IQSEC1: variants seen among roughly 807,000 people sequenced by gnomAD.
IQSEC1 encodes the protein IQ motif and Sec7 domain ArfGEF 1.
In IQSEC1, 31 loss-of-function variants were observed where a neutral mutation model predicts 91.0. That is an observed-to-expected ratio of 0.34 (90% confidence interval 0.26 to 0.46). IQSEC1 has a LOEUF of 0.46. IQSEC1 is among the 20% of genes least tolerant of loss of function. The pLI is 1.00. For missense variants in IQSEC1, 1,388 were observed against 1,575.6 expected, an observed-to-expected ratio of 0.88 and a Z score of 2.02; for synonymous variants, 699 against 662.6, an observed-to-expected ratio of 1.05 and a Z score of -0.84.
chr3:13,140,262 G>T (rs1359163896), intron 2 of IQSEC1, among the ~76,000 whole-genome samples: 2 of 152,102 alleles, frequency 1.3e-5, no homozygotes, highest in Non-Finnish European at 2.9e-5. Flanking sequence ...CCCTACCAAG[G>T]GACAAGTTTG....
chr3:12,941,529 C>T (rs1698744216), intron 2 of IQSEC1, 42 bp downstream of exon 2: 1 of 1,495,270 alleles, frequency 6.7e-7, no homozygotes, highest in Admixed American at 2.1e-5. Context: ...GCAGAGCTGC[C>T]CTGCGCTTGC....
intron 2 of IQSEC1, among the ~76,000 whole-genome samples, chr3:13,093,352 G>A (rs1705898784): frequency 6.6e-6 from 1 of 152,028 alleles, no homozygotes; most frequent in Admixed American, 6.5e-5. Flanking sequence ...TGCTCCTCCA[G>A]CATCCCAGGC....
In IQSEC1 at chr3:13,079,074, C is replaced by T. The variant is rs146923957; in HGVS notation, c.303-31552G>A. Among the ~76,000 whole-genome samples the T allele has an allele frequency of 5.9e-4, 90 of 152,326 alleles. 2 individuals carry two copies. The highest frequency in any genetic ancestry group is 2.0e-3 in the African/African-American group (84 of 41,578). On this transcript the variant is annotated intron_variant, in intron 2 of 15. Transcript: ENST00000648114. ...AGGCCCTCACAAGGCCCTGGGTGTC[C>T]CAACCTGGCAACTCCTGCACTGATG... is the stretch of plus-strand genomic sequence containing the variant.
At chr3:13,077,532 G>C (rs960553497), upstream of IQSEC1, among the ~76,000 whole-genome samples, 2 of 152,350 alleles carry the variant, frequency 1.3e-5, no homozygotes, top group Non-Finnish European at 2.9e-5. Flanking sequence ...CTGAATCATG[G>C]AATCTCTAAA....
rs751498657 is a variant in IQSEC1, at chr3:12,936,235, G to C, written c.781C>G (p.Arg261Gly). Residue 261 changes from arginine (R) to glycine (G), a missense_variant, in exon 3 of 14, where the codon CGG becomes GGG. Physicochemically the swap from Arg to Gly is moderately radical, Grantham distance 125. This residue lies in a region of IQSEC1 where 1,059 missense variants were observed against 1,317.8 expected (regional missense o/e 0.80). Transcript: ENST00000613206. ...GTCTGGGGTTCGGTGTCCCGGGCCC[G>C]CGCCGCATCCAGGGCCGGTGCCTCC... ...TEEAPALDAA[R>G]ARDTEPQTAL... The C allele has an allele frequency of 3.7e-6, 6 of 1,613,030 alleles. No individual in the cohort carries two copies. Among genetic ancestry groups the C allele is most frequent in the Non-Finnish European group, 5.1e-6 (6 of 1,179,998 alleles).
rs1184121657 is a variant in IQSEC1 at position 12,967,492 on chromosome 3, C to G, written c.24-25627G>C. On this transcript the variant is annotated intron_variant, in intron 1 of 13. Coordinates refer to ENST00000613206, the MANE Select transcript of IQSEC1 (RefSeq NM_001134382.3). This position sits in a 1 kb window ranked among gnomAD's most constrained non-coding sequence, Gnocchi z 5.9. The stretch of plus-strand genomic sequence containing the variant: ...AGCGGGCCGGGCCGGGAGCCGGGAC[C>G]CAGGCCCAGCAGAGGCCGCCGACTC... The G allele has an allele frequency of 1.3e-6, 2 of 1,487,470 alleles. No individual in the cohort carries two copies. Among genetic ancestry groups the G allele is most frequent in the Admixed American group, 4.4e-5 (2 of 45,064 alleles). The allele number at this position is 1,487,470 out of a possible 1,614,324, so 92.1% of individuals were successfully genotyped here.
At chr3:13,133,350 C>T (rs1039723463) in intron 2 of IQSEC1, among the ~76,000 whole-genome samples, 13 of 152,260 alleles carry the variant, frequency 8.5e-5, no homozygotes, top group African/African-American at 3.1e-4. Flanking sequence ...GACCAGGTCA[C>T]ACTCTCTGCC....
chr3:12,931,818 A>G (rs1697702864), intron 3 of IQSEC1, among the ~76,000 whole-genome samples: 1 of 152,172 alleles, frequency 6.6e-6, no homozygotes, highest in Non-Finnish European at 1.5e-5. Flanking sequence ...CCAGGTCCAC[A>G]GAAGGGGGCT....
At chr3:13,069,456 A>G (rs768152365) in intron 1 of IQSEC1, among the ~76,000 whole-genome samples, 2 of 151,850 alleles carry the variant, frequency 1.3e-5, no homozygotes, top group African/African-American at 2.4e-5. Flanking sequence ...TCTAGGGGAG[A>G]CCCACCAGGG....
At chr3:13,115,356 C>T (rs965352248) in intron 2 of IQSEC1, among the ~76,000 whole-genome samples, 1 of 152,188 alleles carries the variant, frequency 6.6e-6, no homozygotes, top group African/African-American at 2.4e-5. Flanking sequence ...GGATGAGGGC[C>T]TGGCCAGAAG....
At position 13,166,346 on chromosome 3, in the gene IQSEC1, G is replaced by T. The variant is rs114999224; in HGVS notation, c.273-2213C>A. Among the ~76,000 whole-genome samples the T allele has an allele frequency of 1.0e-2, 1,519 of 152,334 alleles. 26 individuals carry two copies. Among genetic ancestry groups the T allele is most frequent in the African/African-American group, 0.033 (1,355 of 41,560 alleles). ...TCAGTAGGACGAAAATGCCACAAGG[G>T]TAAGGGTTTTGTCACATTCACTGCA... On this transcript the variant is annotated intron_variant, in intron 1 of 15. Coordinates refer to the IQSEC1 transcript ENST00000648114.
chr3:13,023,046 G>A (rs142784776), intron 1 of IQSEC1, among the ~76,000 whole-genome samples: 2 of 152,226 alleles, frequency 1.3e-5, no homozygotes, highest in African/African-American at 4.8e-5. Flanking sequence ...TATGATTAGT[G>A]TTGGTTTACA....
chr3:13,007,250 A>G (rs1057212982), intron 1 of IQSEC1, among the ~76,000 whole-genome samples: 1 of 152,166 alleles, frequency 6.6e-6, no homozygotes, highest in African/African-American at 2.4e-5. Flanking sequence ...GGGTCAGGGG[A>G]GCTGCAGCAA....
At chr3:12,981,110 C>T in intron 1 of IQSEC1, among the ~76,000 whole-genome samples, 1 of 152,198 alleles carries the variant, frequency 6.6e-6, no homozygotes, top group East Asian at 1.9e-4. Flanking sequence ...GCAGCCACTC[C>T]AAGGGCAGCA....
At chr3:12,934,972 C>T (rs1165935742) in intron 3 of IQSEC1, among the ~76,000 whole-genome samples, 1 of 151,916 alleles carries the variant, frequency 6.6e-6, no homozygotes, top group Non-Finnish European at 1.5e-5. Flanking sequence ...GACATGGCCT[C>T]AGGTCTGGCC....
chr3:13,255,152 C>G (rs1695263715), intron 1 of IQSEC1, among the ~76,000 whole-genome samples: 1 of 152,240 alleles, frequency 6.6e-6, no homozygotes, highest in African/African-American at 2.4e-5. Context: ...TCCAAACCAG[C>G]TGGGCTTTAA....
intron 1 of IQSEC1, among the ~76,000 whole-genome samples, chr3:13,000,007 A>G (rs1409570108): frequency 1.3e-5 from 2 of 152,190 alleles, no homozygotes; most frequent in African/African-American, 2.4e-5. Context: ...ATCTTCAACT[A>G]TGTCTCTCAA....
rs545777867 is a variant in IQSEC1, at chr3:13,188,183, G to T, written c.273-24050C>A. On this transcript the variant is annotated intron_variant, in intron 1 of 15. Coordinates refer to the IQSEC1 transcript ENST00000648114. The stretch of plus-strand genomic sequence containing the variant: ...TCCCTCCTTTCATGCCCTGTTGTGG[G>T]CATCTGTGGGCTTATCCTACCCCAT... 4.6e-5 allele frequency among the ~76,000 whole-genome samples: 7 copies of T among 152,290 alleles called. No individual in the cohort carries two copies. In the South Asian group the frequency reaches 1.0e-3, roughly 23 times the overall value.
chr3:12,988,846 G>C (rs2125619874), intron 1 of IQSEC1, among the ~76,000 whole-genome samples: 1 of 152,326 alleles, frequency 6.6e-6, no homozygotes, highest in East Asian at 1.9e-4. Context: ...ATAAGGGTGG[G>C]GAAAGGCATG....
Sources: gnomAD v4.1 joint callset for allele counts (sites outside exome capture counted in the v4.1 genomes callset) on GRCh38, gnomAD v4.1.1 for gene constraint, gnomAD v4.1.1 regional missense constraint, Gnocchi (gnomAD v3.1) non-coding constraint, MANE v1.5 for transcripts, NCBI Gene and HGNC (gene_info 2026-07-23, HGNC 2026-07-21) for gene names.